Variants in IL1RAPL1 observed in about 807,000 individuals in gnomAD.
The protein encoded by IL1RAPL1 is interleukin-1 receptor accessory protein-like 1.
A neutral mutation model predicts 48.4 loss-of-function variants in IL1RAPL1; 3 were observed. That is an observed-to-expected ratio of 0.06 (90% CI 0.03 to 0.16). The LOEUF (loss-of-function observed/expected upper bound fraction) is 0.16. Among genes scored for constraint, IL1RAPL1 ranks in the 10% least tolerant of loss-of-function variants. The probability of loss-of-function intolerance (pLI) is 1.00; values close to 1 mark genes in which losing one functional copy is unlikely to be tolerated. For missense variants in IL1RAPL1, 349 were observed against 530.6 expected (o/e 0.66, Z 3.36); for synonymous variants, 185 against 187.7 (o/e 0.99, Z 0.12).
chrX:29,361,724 G>C (rs922683007), intron 3 of IL1RAPL1, among the ~76,000 whole-genome samples: 1 of 112,223 alleles, frequency 8.9e-6, no homozygotes, highest in Non-Finnish European at 1.9e-5. Flanking sequence ...TTTGTGGTCA[G>C]TATACAAGAC....
At chrX:29,028,664 C>T (rs1325672461) in intron 2 of IL1RAPL1, among the ~76,000 whole-genome samples, 2 of 111,203 alleles carry the variant, frequency 1.8e-5, no homozygotes, top group African/African-American at 3.3e-5. Flanking sequence ...GTATTTCTGT[C>T]GCTGATTTTT....
chrX:28,937,559 C>T (rs534661752), intron 2 of IL1RAPL1, among the ~76,000 whole-genome samples: 2 of 111,637 alleles, frequency 1.8e-5, no homozygotes, highest in South Asian at 7.4e-4. Flanking sequence ...ACAATGTCTA[C>T]ATGCTGTCCT....
chrX:29,228,374 A>AGT (rs1263194800), intron 2 of IL1RAPL1, among the ~76,000 whole-genome samples: 31 of 90,904 alleles, frequency 3.4e-4, no homozygotes, highest in African/African-American at 1.0e-3. Flanking sequence ...TGTGTGTGTG[A>AGT]GACAGAGTCT....
intron 5 of IL1RAPL1, among the ~76,000 whole-genome samples, chrX:29,470,053 T>C (rs1490119812): frequency 8.9e-6 from 1 of 112,297 alleles, no homozygotes; most frequent in Admixed American, 9.4e-5. Flanking sequence ...ACCATCGAAG[T>C]TTCACCAGAC....
Position 29,955,963 on chromosome X carries a change from T to C in IL1RAPL1, c.*143T>C, listed in dbSNP as rs973078440. 5 of 511,255 alleles carry C rather than the reference T, an allele frequency of 9.8e-6. No homozygotes were observed. Among genetic ancestry groups the C allele is most frequent in the Non-Finnish European group, 1.0e-5 (3 of 288,039 alleles). 42.1% of individuals were successfully genotyped at this position (511,255 alleles called of 1,213,427 possible). A position where few individuals can be genotyped will look rare whatever the true frequency, so the allele number is the denominator to read the frequency against. ...GAGGAAAAACAGGGTCTTGTACATATGTTTTTTGGAATTTCTTTGTAGCAT... is the reference window on the plus strand; with the variant it reads ...GAGGAAAAACAGGGTCTTGTACATACGTTTTTTGGAATTTCTTTGTAGCAT... On this transcript the variant is annotated 3_prime_UTR_variant, in exon 11 of 11. Coordinates refer to ENST00000378993, the MANE Select transcript of IL1RAPL1 (RefSeq NM_014271.4).
At position 29,142,607 on chromosome X, in the gene IL1RAPL1, A is replaced by G. The variant is rs749260553; in HGVS notation, c.83-140331A>G. On this transcript the variant is annotated intron_variant, in intron 2 of 10. Coordinates refer to ENST00000378993, the MANE Select transcript of IL1RAPL1 (RefSeq NM_014271.4). ...GTTCTAGGGTTTGGAAAATGTTAAC[A>G]TTATGGCAACCTACCTGAAGGATGT... is the stretch of plus-strand genomic sequence containing the variant. Among the ~76,000 whole-genome samples, 46 of 112,302 alleles carry G rather than the reference A, an allele frequency of 4.1e-4. No homozygotes were observed. In the South Asian group the frequency reaches 5.1e-3, roughly 13 times the overall value.
chrX:29,456,633 C>T (rs182457464), intron 5 of IL1RAPL1, among the ~76,000 whole-genome samples: 3 of 110,663 alleles, frequency 2.7e-5, no homozygotes, highest in East Asian at 5.7e-4. Flanking sequence ...CTCATGGTCG[C>T]CAGATTGAAA....
chrX:28,898,251 AAC>A (rs1421255152), intron 2 of IL1RAPL1, among the ~76,000 whole-genome samples: 1 of 111,809 alleles, frequency 8.9e-6, no homozygotes, highest in Non-Finnish European at 1.9e-5. Flanking sequence ...TGTCCTTTGA[AAC>A]ACAAGATTTT....
intron 6 of IL1RAPL1, among the ~76,000 whole-genome samples, chrX:29,752,053 T>C (rs1311001042): frequency 2.1e-5 from 2 of 94,961 alleles, no homozygotes; most frequent in Non-Finnish European, 4.0e-5. Flanking sequence ...CTATTTTATA[T>C]ATATATATGT....
chrX:29,563,839 A>T (rs769748884), intron 5 of IL1RAPL1, among the ~76,000 whole-genome samples: 1 of 112,238 alleles, frequency 8.9e-6, no homozygotes, highest in African/African-American at 3.2e-5. Context: ...ATCTAATGCT[A>T]GTGTCTTTGG....
chrX:28,763,060 T>TG (rs1383327972), intron 1 of IL1RAPL1, among the ~76,000 whole-genome samples: 2 of 111,486 alleles, frequency 1.8e-5, no homozygotes, highest in African/African-American at 6.5e-5. Flanking sequence ...AGAGAAAAGA[T>TG]GAACAGGTCT....
chrX:29,372,711 G>T lies in IL1RAPL1; in HGVS notation c.363-23547G>T, dbSNP rs753333122. 6.5e-5 allele frequency among the ~76,000 whole-genome samples: 7 copies of T among 107,348 alleles called. No homozygotes were observed. In the South Asian group the frequency reaches 2.9e-3, roughly 45 times the overall value. 93.2% of individuals were successfully genotyped at this position (107,348 alleles called of 115,157 possible). ...CTTTTGTTAGCCCCATCAAAGATCA[G>T]ATTGTTGTAGGTGTGCAGCTTTATT... On this transcript the variant is annotated intron_variant, in intron 3 of 10. Coordinates refer to ENST00000378993, the MANE Select transcript of IL1RAPL1 (RefSeq NM_014271.4).
At chrX:29,055,937 C>T (rs1927204307) in intron 2 of IL1RAPL1, among the ~76,000 whole-genome samples, 1 of 111,643 alleles carries the variant, frequency 9.0e-6, no homozygotes, top group African/African-American at 3.2e-5. Context: ...GGGCAAATTA[C>T]AATAAACTCA....
intron 2 of IL1RAPL1, among the ~76,000 whole-genome samples, chrX:29,149,936 C>T (rs2147497593): frequency 9.0e-6 from 1 of 111,614 alleles, no homozygotes; most frequent in African/African-American, 3.3e-5. Flanking sequence ...GGTCAGAAGA[C>T]CTCTTTTAAT....
At chrX:29,308,041 T>C (rs1374408351) in intron 3 of IL1RAPL1, among the ~76,000 whole-genome samples, 1 of 112,152 alleles carries the variant, frequency 8.9e-6, no homozygotes, top group Non-Finnish European at 1.9e-5. Context: ...TTCAAGATTC[T>C]TTCAGTTGCA....
intron 1 of IL1RAPL1, among the ~76,000 whole-genome samples, chrX:28,720,186 T>A (rs148455773): frequency 0.013 from 1,432 of 111,176 alleles, 27 homozygotes; most frequent in African/African-American, 0.045. Context: ...AATTGTAAGA[T>A]ACATATTTAT....
At chrX:29,359,053 G>A (rs1306728668) in intron 3 of IL1RAPL1, among the ~76,000 whole-genome samples, 6 of 110,516 alleles carry the variant, frequency 5.4e-5, no homozygotes, top group South Asian at 3.8e-4. Context: ...AATATACATC[G>A]AAGACCTTCA....
At chrX:28,700,891 T>G (rs959779489) in intron 1 of IL1RAPL1, among the ~76,000 whole-genome samples, 8 of 112,008 alleles carry the variant, frequency 7.1e-5, no homozygotes, top group Non-Finnish European at 1.5e-4. Context: ...ACTCATTCTT[T>G]TTTATGGCTA....
Position 29,956,019 on chromosome X carries a change from CCATTA to C in IL1RAPL1, c.*204_*208del. The C allele has an allele frequency of 2.3e-6, 1 of 428,795 alleles. No homozygotes were observed. The highest frequency in any genetic ancestry group is 4.1e-5 in the South Asian group (1 of 24,222). The allele number at this position is 428,795 out of a possible 1,213,427, so 35.3% of individuals were successfully genotyped here. A position where few individuals can be genotyped will look rare whatever the true frequency, so the allele number is the denominator to read the frequency against. ...TCCTCCTGTTTTACCATGTCTTTTA[CCATTA>C]CATTTTTTGACTTTGTTTTATATGT... is the stretch of plus-strand genomic sequence containing the variant. On this transcript the variant is annotated 3_prime_UTR_variant, in exon 11 of 11. Transcript: ENST00000378993.
Sources: allele counts gnomAD v4.1 joint callset (sites outside exome capture counted in the v4.1 genomes callset), GRCh38; gene constraint gnomAD v4.1.1; transcripts MANE v1.5; gene names NCBI Gene and HGNC (gene_info 2026-07-23, HGNC 2026-07-21).